SCN1A: variants seen among roughly 807,000 people sequenced by gnomAD.
SCN1A encodes sodium channel protein type 1 subunit alpha.
A neutral mutation model predicts 193.7 loss-of-function variants in SCN1A; 13 were observed. That is an observed-to-expected ratio of 0.07 (90% CI 0.04 to 0.11). The LOEUF (loss-of-function observed/expected upper bound fraction) is 0.11, where lower values mean the gene tolerates loss of function less well. Among genes scored for constraint, SCN1A ranks in the 10% least tolerant of loss-of-function variants. The probability of loss-of-function intolerance (pLI) is 1.00; values close to 1 mark genes in which losing one functional copy is unlikely to be tolerated. For missense variants in SCN1A, 1,432 were observed against 2,451.1 expected (o/e 0.58, Z 8.78); for synonymous variants, 781 against 843.6 (o/e 0.93, Z 1.29).
chr2:165,992,258 T>C lies in SCN1A; in HGVS notation c.5017A>G (p.Ile1673Val), dbSNP rs375651364. 1.2e-6 allele frequency: 2 copies of C among 1,613,842 alleles called. No individual in the cohort carries two copies. The highest frequency in any genetic ancestry group is 1.7e-6 in the Non-Finnish European group (2 of 1,179,912). Residue 1673 changes from isoleucine to valine, a missense_variant, in exon 29 of 29, where the codon ATC (isoleucine) becomes GTC (valine). By Grantham distance (29) the Ile-to-Val change is conservative (BLOSUM62 3). This residue lies in a region of SCN1A where 85 missense variants were observed against 213.2 expected (regional missense o/e 0.40). Coordinates refer to ENST00000674923, the MANE Select transcript of SCN1A (RefSeq NM_001165963.4). This position sits in a 1 kb window ranked among gnomAD's most constrained non-coding sequence, Gnocchi z 6.5. The stretch of plus-strand genomic sequence containing the variant: ...ATGACTAGGAAGAGTAGGAGGCCGA[T>C]GTTAAACAACGCAGGAAGGGACATC... ...LMMSLPALFNIGLLLFLVMFI... is the reference protein window; with the variant it reads ...LMMSLPALFNVGLLLFLVMFI...
At chr2:166,113,603 A>G (rs1689536408) in intron 2 of SCN1A, among the ~76,000 whole-genome samples, 1 of 152,174 alleles carries the variant, frequency 6.6e-6, no homozygotes, top group Non-Finnish European at 1.5e-5. Context: ...TTAAACAGCT[A>G]CTTTTAAAGT....
intron 22 of SCN1A, among the ~76,000 whole-genome samples, chr2:166,010,134 A>G (rs544131937): frequency 6.7e-6 from 1 of 149,964 alleles, no homozygotes; most frequent in African/African-American, 2.5e-5. Context: ...ATAAAAGAAG[A>G]AATCAAGGTG....
intron 19 of SCN1A, chr2:166,027,247 C>T (rs1038709096): frequency 3.9e-5 from 6 of 152,136 alleles, no homozygotes; most frequent in African/African-American, 1.4e-4. Flanking sequence ...CAGTTTTCCT[C>T]CGCAGTGGAT....
At chr2:166,053,364 T>C (rs1319273612) in intron 7 of SCN1A, among the ~76,000 whole-genome samples, 1 of 151,994 alleles carries the variant, frequency 6.6e-6, no homozygotes, top group Admixed American at 6.6e-5. Flanking sequence ...ACCAACATCA[T>C]GTGTAACTTG....
At chr2:166,038,727 T>C (rs1457344375) in intron 17 of SCN1A, among the ~76,000 whole-genome samples, 2 of 152,218 alleles carry the variant, frequency 1.3e-5, no homozygotes, top group East Asian at 3.8e-4. Flanking sequence ...ATTATAATAT[T>C]AACATCTGAA....
Position 166,084,696 on chromosome 2 carries a change from T to C in SCN1A, c.-141-6895A>G, listed in dbSNP as rs78177383. Among the ~76,000 whole-genome samples the C allele has an allele frequency of 8.1e-3, 1,240 of 152,242 alleles. 14 individuals carry two copies. Among genetic ancestry groups the C allele is most frequent in the African/African-American group, 0.029 (1,186 of 41,546 alleles). ...TACTTTGATAACCATTTTGGTAAAATAATGCAGTGTTTTCAGTGTGCAAAT... is the reference window on the plus strand; with the variant it reads ...TACTTTGATAACCATTTTGGTAAAACAATGCAGTGTTTTCAGTGTGCAAAT... On this transcript the variant is annotated intron_variant, in intron 2 of 28. Coordinates refer to ENST00000674923, the MANE Select transcript of SCN1A (RefSeq NM_001165963.4).
intron 2 of SCN1A, among the ~76,000 whole-genome samples, chr2:166,078,985 C>A (rs1685236039): frequency 6.6e-6 from 1 of 151,516 alleles, no homozygotes; most frequent in Non-Finnish European, 1.5e-5. Context: ...CGTACCATTT[C>A]TGTTTCTTGG....
rs913689555 is a variant in SCN1A at position 166,083,327 on chromosome 2, T to G, written c.-141-5526A>C. ...TTAAAAATAACTTCATTATCTACCC[T>G]TAGTTTTTCATGCCTTATGCAAACT... is the stretch of plus-strand genomic sequence containing the variant. On this transcript the variant is annotated intron_variant, in intron 2 of 28. Transcript: ENST00000674923. 5.3e-5 allele frequency among the ~76,000 whole-genome samples: 8 copies of G among 152,202 alleles called. No individual in the cohort carries two copies. The East Asian group carries it at 1.2e-3, about 22-fold the overall frequency.
At chr2:166,103,449 TTAAATAAATAAA>T (rs56754104) in intron 2 of SCN1A, among the ~76,000 whole-genome samples, 4,598 of 142,938 alleles carry the variant, frequency 0.032, 309 homozygotes, top group Admixed American at 0.17. Context: ...AGACTCTGTC[TTAAATAAATAAA>T]TAAATAAATA....
chr2:166,056,782 T>C (rs1699181520), intron 5 of SCN1A, among the ~76,000 whole-genome samples: 1 of 152,124 alleles, frequency 6.6e-6, no homozygotes, highest in Admixed American at 6.6e-5. Context: ...TAAATCAATA[T>C]ATTCACCTCC....
intron 6 of SCN1A, among the ~76,000 whole-genome samples, chr2:166,055,030 T>C (rs1170028249): frequency 2.6e-5 from 4 of 151,996 alleles, no homozygotes; most frequent in Non-Finnish European, 2.9e-5. Context: ...AATGTCTTGG[T>C]ATTTATGTAA....
intron 1 of SCN1A, among the ~76,000 whole-genome samples, chr2:166,135,638 A>G (rs1691827303): frequency 6.6e-6 from 1 of 152,224 alleles, no homozygotes; most frequent in Non-Finnish European, 1.5e-5. Flanking sequence ...TCTTTCCTTG[A>G]GAAAAGCAAG....
intron 2 of SCN1A, among the ~76,000 whole-genome samples, chr2:166,090,004 TCTTC>T (rs61060750): frequency 0.023 from 3,425 of 148,246 alleles, 128 homozygotes; most frequent in African/African-American, 0.076. Context: ...AAAGAAATTA[TCTTC>T]CTTCCTTCCT....
upstream of SCN1A, among the ~76,000 whole-genome samples, chr2:166,132,730 A>G (rs550994572): frequency 6.6e-6 from 1 of 152,280 alleles, no homozygotes; most frequent in Non-Finnish European, 1.5e-5. Context: ...ACTAAAGTGG[A>G]CTTTTGAAAC....
intron 2 of SCN1A, among the ~76,000 whole-genome samples, chr2:166,093,874 C>A (rs1335734775): frequency 1.3e-5 from 2 of 152,254 alleles, no homozygotes; most frequent in Admixed American, 1.3e-4. Flanking sequence ...AGATTTAAAT[C>A]CGGGTCTAAT....
At position 166,118,302 on chromosome 2, in the gene SCN1A, CTTTTTTTTT is replaced by C. The variant is rs61002916; in HGVS notation, c.-142+8613_-142+8621del. 3.6e-4 allele frequency among the ~76,000 whole-genome samples: 29 copies of C among 81,112 alleles called. 2 individuals are homozygous for C. Among genetic ancestry groups the C allele is most frequent in the East Asian group, 2.4e-3 (6 of 2,452 alleles). 53.2% of individuals were successfully genotyped at this position (81,112 alleles called of 152,430 possible). ...TTGCTTACTGATTTCTATTTAGTTT[CTTTTTTTTT>C]TTTTTTTTTTTTTTTTTTTGAGAAA... On this transcript the variant is annotated intron_variant, in intron 2 of 28. Coordinates refer to ENST00000674923, the MANE Select transcript of SCN1A (RefSeq NM_001165963.4).
At chr2:166,074,137 G>A (rs375407229) in intron 3 of SCN1A, among the ~76,000 whole-genome samples, 1 of 152,200 alleles carries the variant, frequency 6.6e-6, no homozygotes, top group South Asian at 2.1e-4. Flanking sequence ...AGGATAGTTT[G>A]CAGTGACCAA....
chr2:166,028,989 A>C (rs1313811881), intron 19 of SCN1A, among the ~76,000 whole-genome samples: 2 of 152,188 alleles, frequency 1.3e-5, no homozygotes, highest in African/African-American at 4.8e-5. Flanking sequence ...AGGATGAGTC[A>C]GGTGAAGCAG....
At chr2:166,147,765 G>GCATA (rs1174481069) in intron 1 of SCN1A, among the ~76,000 whole-genome samples, 1 of 152,102 alleles carries the variant, frequency 6.6e-6, no homozygotes, top group Non-Finnish European at 1.5e-5. Flanking sequence ...ACTAAATACA[G>GCATA]CATACAATTG....
Sources: allele counts gnomAD v4.1 joint callset (sites outside exome capture counted in the v4.1 genomes callset), GRCh38; gene constraint gnomAD v4.1.1; regional missense constraint gnomAD v4.1.1; non-coding constraint Gnocchi (gnomAD v3.1); transcripts MANE v1.5; gene names NCBI Gene and HGNC (gene_info 2026-07-23, HGNC 2026-07-21).